The following ZDHHC14 variants were observed in gnomAD, a reference collection of about 807,000 sequenced individuals.
ZDHHC14 encodes the protein zDHHC palmitoyltransferase 14, also known as palmitoyltransferase ZDHHC14.
Under a neutral mutation model 47.7 loss-of-function variants are expected in ZDHHC14, and 16 were observed. That is an observed-to-expected ratio of 0.34 (90% CI 0.23 to 0.51). ZDHHC14 has a LOEUF of 0.51. Among genes scored for constraint, ZDHHC14 ranks in the 20% least tolerant of loss-of-function variants. The pLI is 0.97. For synonymous variants in ZDHHC14, 293 were observed against 278.9 expected (o/e 1.05, Z -0.50); for missense variants, 515 against 662.5 (o/e 0.78, Z 2.44).
intron 1 of ZDHHC14, among the ~76,000 whole-genome samples, chr6:157,482,741 A>T (rs1203879953): frequency 6.7e-6 from 1 of 148,188 alleles, no homozygotes; most frequent in Non-Finnish European, 1.5e-5. Flanking sequence ...AGAATGTCAA[A>T]ATCATTTTTT....
rs141272039 is a variant in ZDHHC14 at position 157,577,006 on chromosome 6, C to T, written c.407-15982C>T. Reference sequence around the variant, plus strand: ...CACAGGTATTTTTTATGATCTTCTCCCCCATCCCACCCTCCACCCTCAAGT... The same window carrying T: ...CACAGGTATTTTTTATGATCTTCTCTCCCATCCCACCCTCCACCCTCAAGT... On this transcript the variant is annotated intron_variant, in intron 2 of 8. Transcript: ENST00000359775. Among the ~76,000 whole-genome samples, 6 of 152,112 alleles carry T rather than the reference C, an allele frequency of 3.9e-5. No individual in the cohort carries two copies. In the East Asian group the frequency reaches 1.2e-3, roughly 29 times the overall value.
intron 1 of ZDHHC14, among the ~76,000 whole-genome samples, chr6:157,498,661 G>A (rs1780125934): frequency 6.6e-6 from 1 of 152,156 alleles, no homozygotes; most frequent in Admixed American, 6.5e-5. Flanking sequence ...CTGTCCCATT[G>A]AACAGGGAGA....
At chr6:157,613,930 T>C (rs1784848982) in intron 3 of ZDHHC14, among the ~76,000 whole-genome samples, 1 of 152,092 alleles carries the variant, frequency 6.6e-6, no homozygotes, top group South Asian at 2.1e-4. Context: ...TCTTGGAAAA[T>C]AGTATTGAAA....
intron 1 of ZDHHC14, among the ~76,000 whole-genome samples, chr6:157,442,530 C>T (rs1025878420): frequency 6.6e-6 from 1 of 152,140 alleles, no homozygotes; most frequent in South Asian, 2.1e-4. Context: ...AACTCTAAGC[C>T]CCGCTCTCCC....
chr6:157,612,037 T>C (rs533587464), intron 3 of ZDHHC14, among the ~76,000 whole-genome samples: 1 of 148,238 alleles, frequency 6.7e-6, no homozygotes, highest in Non-Finnish European at 1.5e-5. Context: ...CTTTCCCCAG[T>C]GACCCCCCAC....
At chr6:157,382,806 T>C (rs142924034) in intron 1 of ZDHHC14, among the ~76,000 whole-genome samples, 1,776 of 152,348 alleles carry the variant, frequency 0.012, 15 homozygotes, top group Non-Finnish European at 0.016. Context: ...GGCTGCCTAG[T>C]GTGCCCTGGA....
intron 1 of ZDHHC14, among the ~76,000 whole-genome samples, chr6:157,471,787 G>T (rs1043593327): frequency 3.9e-5 from 6 of 152,206 alleles, no homozygotes; most frequent in Non-Finnish European, 8.8e-5. Flanking sequence ...GTTTTCTGGC[G>T]AGATACAGGG....
intron 4 of ZDHHC14, chr6:157,629,639 GT>G (rs1785585953): frequency 6.6e-6 from 1 of 152,170 alleles, no homozygotes; most frequent in African/African-American, 2.4e-5. Flanking sequence ...TTCAATCCTA[GT>G]TGCCATTCTT....
chr6:157,592,428 A>G (rs993323699), intron 2 of ZDHHC14, among the ~76,000 whole-genome samples: 1 of 152,114 alleles, frequency 6.6e-6, no homozygotes, highest in Non-Finnish European at 1.5e-5. Flanking sequence ...GAGGTAGCCA[A>G]TGGGCAAAGT....
At chr6:157,432,142 G>A (rs1193456803) in intron 1 of ZDHHC14, among the ~76,000 whole-genome samples, 1 of 152,172 alleles carries the variant, frequency 6.6e-6, no homozygotes. Flanking sequence ...AGAGTGCAGA[G>A]TTCACCTCCA....
In ZDHHC14 at chr6:157,476,751, A is replaced by G. The variant is rs544998860; in HGVS notation, c.246-65834A>G. 5.9e-5 allele frequency among the ~76,000 whole-genome samples: 9 copies of G among 152,376 alleles called. No individual in the cohort carries two copies. In the Middle Eastern group the frequency reaches 0.01, roughly 173 times the overall value. On this transcript the variant is annotated intron_variant, in intron 1 of 8. Transcript: ENST00000359775. ...CCCTGGGATCCAAGGATGGTTCAAC[A>G]TATGCAAGTCAATAAATATAATACA...
chr6:157,471,552 A>C (rs992823246), intron 1 of ZDHHC14, among the ~76,000 whole-genome samples: 1 of 152,210 alleles, frequency 6.6e-6, no homozygotes, highest in Non-Finnish European at 1.5e-5. Flanking sequence ...ATGAGAAGGA[A>C]GACGTTATCA....
At position 157,586,445 on chromosome 6, in the gene ZDHHC14, G is replaced by A. The variant is rs1783700207; in HGVS notation, c.407-6543G>A. On this transcript the variant is annotated intron_variant, in intron 2 of 8. Coordinates refer to ENST00000359775, the MANE Select transcript of ZDHHC14 (RefSeq NM_024630.3). The surrounding 1 kb of genome is among the most constrained non-coding windows in gnomAD (Gnocchi z 4.6). ...CATTGCCCGCTCAGGGAAACCCAAG[G>A]AGGCCACCGTGTTTTGAGCATAGGC... Among the ~76,000 whole-genome samples the A allele has an allele frequency of 6.6e-6, 1 of 152,204 alleles. No individual in the cohort carries two copies. The highest frequency in any genetic ancestry group is 1.5e-5 in the Non-Finnish European group (1 of 68,032).
chr6:157,464,295 C>T (rs1358479657), intron 1 of ZDHHC14, among the ~76,000 whole-genome samples: 1 of 152,132 alleles, frequency 6.6e-6, no homozygotes, highest in Non-Finnish European at 1.5e-5. Context: ...ACTTTGATAA[C>T]CTTGTTCTTA....
chr6:157,466,923 A>C (rs1042385437), intron 1 of ZDHHC14, among the ~76,000 whole-genome samples: 2 of 151,946 alleles, frequency 1.3e-5, no homozygotes, highest in African/African-American at 4.8e-5. Flanking sequence ...TGGGCCTGAG[A>C]GGTCTGGTGG....
intron 3 of ZDHHC14, among the ~76,000 whole-genome samples, chr6:157,596,222 A>T (rs1405748230): frequency 6.6e-6 from 1 of 152,190 alleles, no homozygotes; most frequent in African/African-American, 2.4e-5. Context: ...GTGGAAGGCA[A>T]ATGTCTCCCA....
chr6:157,503,310 G>A (rs1780231279), intron 1 of ZDHHC14, among the ~76,000 whole-genome samples: 1 of 152,150 alleles, frequency 6.6e-6, no homozygotes, highest in Admixed American at 6.5e-5. Context: ...ACACATCCTG[G>A]CTTCCCACTG....
intron 1 of ZDHHC14, among the ~76,000 whole-genome samples, chr6:157,535,198 G>C (rs753489394): frequency 2.0e-5 from 3 of 152,138 alleles, no homozygotes; most frequent in African/African-American, 4.8e-5. Flanking sequence ...CTCTGTTCAC[G>C]CAAGTGCTTG....
At chr6:157,386,658 A>G (rs931526385) in intron 1 of ZDHHC14, among the ~76,000 whole-genome samples, 1 of 152,182 alleles carries the variant, frequency 6.6e-6, no homozygotes, top group Non-Finnish European at 1.5e-5. Flanking sequence ...AAGTGACAGC[A>G]TTTCATAGCT....
Sources: allele counts gnomAD v4.1 joint callset (sites outside exome capture counted in the v4.1 genomes callset), GRCh38; gene constraint gnomAD v4.1.1; non-coding constraint Gnocchi (gnomAD v3.1); transcripts MANE v1.5; gene names NCBI Gene and HGNC (gene_info 2026-07-23, HGNC 2026-07-21).